Variants in MYZAP observed in about 807,000 individuals in gnomAD.
The protein encoded by MYZAP is GRINL1A complex locus upstream.
MYZAP carries 66 observed loss-of-function variants against 69.4 expected under a neutral mutation model. The ratio of observed to expected loss-of-function variants is 0.95; its 90% CI spans 0.78 to 1.17. The LOEUF (loss-of-function observed/expected upper bound fraction) is 1.17. MYZAP is among the 50% of genes most tolerant of loss of function. The pLI is 0.00. For synonymous variants in MYZAP, 256 were observed against 205.9 expected, an observed-to-expected ratio of 1.24 and a Z score of -2.09; for missense variants, 611 against 556.2, an observed-to-expected ratio of 1.10 and a Z score of -0.99.
chr15:57,632,671 C>A (rs749959044), intron 7 of MYZAP, 112 bp downstream of exon 7: 58 of 1,508,258 alleles, frequency 3.8e-5, no homozygotes, highest in Non-Finnish European at 4.8e-5. Flanking sequence ...TAGACTCAGC[C>A]ATGGGTAAGG....
rs534246360 is a variant in MYZAP, at chr15:57,672,526, G to A, written c.1204-2442G>A. ...GTGTTGAGTGCATACTCCTCTCACT[G>A]CAAGTGCAGCCCCCACTCTTTAGCT... On this transcript the variant is annotated intron_variant, in intron 11 of 12. Coordinates refer to ENST00000267853, the MANE Select transcript of MYZAP (RefSeq NM_001018100.5). 1.4e-4 allele frequency among the ~76,000 whole-genome samples: 21 copies of A among 151,840 alleles called. No homozygotes were observed. In the East Asian group the frequency reaches 3.3e-3, roughly 24 times the overall value.
chr15:57,616,665 C>A (rs554288478), intron 2 of MYZAP, among the ~76,000 whole-genome samples: 25 of 151,332 alleles, frequency 1.7e-4, no homozygotes, highest in African/African-American at 6.1e-4. Context: ...CAAAAATGAG[C>A]CCATGTGGTG....
rs374448189 is a variant in MYZAP, at chr15:57,675,062, T to C, written c.1298T>C (p.Leu433Pro). The C allele has an allele frequency of 1.3e-4, 215 of 1,597,868 alleles. 1 individual carries two copies. Among genetic ancestry groups the C allele is most frequent in the Middle Eastern group, 6.7e-4 (4 of 5,986 alleles). ...GAGATAGGAGTGGGCTGTGATCTTC[T>C]ACCCAGGTATTTAGGAATTTCCTGA... ...TREIGVGCDL[L>P]PSQTGRTREI... Residue 433 changes from leucine (L) to proline (P), a missense_variant, in exon 12 of 13, where the codon CTA becomes CCA. Transcript: ENST00000267853.
chr15:57,598,193 G>T (rs1295893844), intron 1 of MYZAP, among the ~76,000 whole-genome samples: 1 of 152,098 alleles, frequency 6.6e-6, no homozygotes, highest in African/African-American at 2.4e-5. Context: ...GTGAGACCCA[G>T]GCCCTCATCT....
chr15:57,633,472 C>T, intron 7 of MYZAP, 141 bp from the exon 8 acceptor site: 2 of 1,254,552 alleles, frequency 1.6e-6, no homozygotes. Context: ...AGGTTGAGTT[C>T]ATGATCTGTG....
rs567910532 is a variant in MYZAP at position 57,649,004 on chromosome 15, T to G, written c.1119+9459T>G. Among the ~76,000 whole-genome samples the G allele has an allele frequency of 3.4e-3, 524 of 151,952 alleles. 2 individuals are homozygous for G. The highest frequency in any genetic ancestry group is 5.1e-3 in the Non-Finnish European group (347 of 67,976). ...TTTTAAATTTTACGTAAATTTTAAT[T>G]TATAATATTAAAAATAAATTGTATT... On this transcript the variant is annotated intron_variant, in intron 10 of 12. Coordinates refer to ENST00000267853, the MANE Select transcript of MYZAP (RefSeq NM_001018100.5).
At chr15:57,676,703 G>T (rs1480655931) in intron 12 of MYZAP, among the ~76,000 whole-genome samples, 6 of 151,918 alleles carry the variant, frequency 3.9e-5, no homozygotes, top group African/African-American at 1.5e-4. Context: ...CCAATAAATT[G>T]TTTGTTTTCT....
chr15:57,631,877 G>C (rs1422548471), intron 6 of MYZAP, among the ~76,000 whole-genome samples: 1 of 152,196 alleles, frequency 6.6e-6, no homozygotes, highest in Admixed American at 6.5e-5. Context: ...AAGTCTGTGT[G>C]TGAGAACGTG....
intron 10 of MYZAP, among the ~76,000 whole-genome samples, chr15:57,645,312 C>T (rs1425207186): frequency 3.9e-5 from 6 of 152,164 alleles, no homozygotes; most frequent in African/African-American, 2.4e-5. Flanking sequence ...TGAGTAAGAA[C>T]TCTTCAGAGA....
At chr15:57,627,890 C>A (rs1191748486) in intron 5 of MYZAP, among the ~76,000 whole-genome samples, 2 of 152,046 alleles carry the variant, frequency 1.3e-5, no homozygotes, top group African/African-American at 4.8e-5. Flanking sequence ...GTTTCTAAAG[C>A]CCCTTGAAGC....
chr15:57,646,345 C>T (rs907650032), intron 10 of MYZAP: 1 of 1,188,156 alleles, frequency 8.4e-7, no homozygotes, highest in Admixed American at 3.4e-5. Flanking sequence ...AAAATTTGAC[C>T]ATGTGGGGCT....
intron 5 of MYZAP, among the ~76,000 whole-genome samples, chr15:57,626,861 G>A (rs1183186175): frequency 6.6e-6 from 1 of 152,210 alleles, no homozygotes; most frequent in Non-Finnish European, 1.5e-5. Context: ...CCTCGTGTTT[G>A]GGGTCATCTG....
chr15:57,667,289 C>A (rs2038624827), intron 11 of MYZAP, among the ~76,000 whole-genome samples: 1 of 152,212 alleles, frequency 6.6e-6, no homozygotes, highest in Non-Finnish European at 1.5e-5. Context: ...CTGCCCACAC[C>A]CCTGGGCCTG....
At chr15:57,640,904 A>T (rs1450487138) in intron 10 of MYZAP, among the ~76,000 whole-genome samples, 1 of 152,188 alleles carries the variant, frequency 6.6e-6, no homozygotes, top group East Asian at 1.9e-4. Flanking sequence ...ATGCGGAGGG[A>T]GATCCTGCCC....
At chr15:57,625,629 C>A in intron 4 of MYZAP, 150 bp from the exon 5 acceptor site, 1 of 706,790 alleles carries the variant, frequency 1.4e-6, no homozygotes, top group Non-Finnish European at 2.4e-6. Context: ...CTCTCTGGAT[C>A]ATGCAGATGT....
At chr15:57,675,313 G>A (rs1252390753) in intron 12 of MYZAP, among the ~76,000 whole-genome samples, 1 of 152,114 alleles carries the variant, frequency 6.6e-6, no homozygotes, top group African/African-American at 2.4e-5. Context: ...CTGTCAGTGA[G>A]TGAATGCATT....
intron 6 of MYZAP, among the ~76,000 whole-genome samples, chr15:57,631,054 C>T (rs1026816260): frequency 6.6e-6 from 1 of 152,194 alleles, no homozygotes; most frequent in Non-Finnish European, 1.5e-5. Context: ...ATCATCTCCT[C>T]TGTATGTTCA....
chr15:57,654,943 G>A (rs1249754384), intron 10 of MYZAP, among the ~76,000 whole-genome samples: 1 of 151,924 alleles, frequency 6.6e-6, no homozygotes, highest in East Asian at 1.9e-4. Context: ...GTGCAGATTG[G>A]CAAGGGTGAT....
chr15:57,641,642 C>T (rs1337462660), intron 10 of MYZAP, among the ~76,000 whole-genome samples: 1 of 152,174 alleles, frequency 6.6e-6, no homozygotes, highest in African/African-American at 2.4e-5. Context: ...GAATGTAGAC[C>T]ACCACCACCA....
Sources: allele counts gnomAD v4.1 joint callset (sites outside exome capture counted in the v4.1 genomes callset), GRCh38; gene constraint gnomAD v4.1.1; transcripts MANE v1.5; gene names NCBI Gene and HGNC (gene_info 2026-07-23, HGNC 2026-07-21).